The following EDF1 variants were observed in gnomAD, a reference collection of about 807,000 sequenced individuals.
The protein encoded by EDF1 is endothelial differentiation related factor 1, also known as endothelial differentiation-related factor 1.
Under a neutral mutation model 20.8 loss-of-function variants are expected in EDF1, and 5 were observed. That is an observed-to-expected ratio of 0.24 (90% CI 0.13 to 0.51). The LOEUF (loss-of-function observed/expected upper bound fraction) is 0.51. Ranked by LOEUF, EDF1 falls within the 20% of genes least tolerant of loss-of-function variation. The probability of loss-of-function intolerance (pLI) is 0.97; values close to 1 mark genes in which losing one functional copy is unlikely to be tolerated. For missense variants in EDF1, 137 were observed against 197.8 expected (o/e 0.69, Z 1.84); for synonymous variants, 96 against 78.5 (o/e 1.22, Z -1.18).
At position 136,863,236 on chromosome 9, in the gene EDF1, C is replaced by T; in HGVS notation, c.291+52G>A. ...CCCGTGCTATCTGAACACCGGCCAT[C>T]CCCCTCCCCAAACCCACAACCCCAG... On this transcript the variant is annotated intron_variant, in intron 3 of 4. Coordinates refer to ENST00000224073, the MANE Select transcript of EDF1 (RefSeq NM_003792.4). The surrounding 1 kb of genome is among the most constrained non-coding windows in gnomAD (Gnocchi z 4.5). 1.3e-6 allele frequency: 2 copies of T among 1,585,162 alleles called. No individual in the cohort carries two copies. Among genetic ancestry groups the T allele is most frequent in the East Asian group, 2.2e-5 (1 of 44,552 alleles).
chr9:136,866,141 C>T lies in EDF1; in HGVS notation c.78+40G>A, dbSNP rs374525120. The T allele has an allele frequency of 2.8e-5, 44 of 1,569,114 alleles. No homozygotes were observed. In the African/African-American group the frequency reaches 5.1e-4, roughly 18 times the overall value. Reference sequence around the variant, plus strand: ...CGGTCCGTGGCCCCGGCCCAGCGTCCGCCCCGCCCGGCCCGGCCGCTCCTC... The same window carrying T: ...CGGTCCGTGGCCCCGGCCCAGCGTCTGCCCCGCCCGGCCCGGCCGCTCCTC... On this transcript the variant is annotated intron_variant, in intron 1 of 4. Coordinates refer to ENST00000224073, the MANE Select transcript of EDF1 (RefSeq NM_003792.4).
At chr9:136,865,840 A>T (rs1314391387) in intron 1 of EDF1, among the ~76,000 whole-genome samples, 1 of 12,166 alleles carries the variant, frequency 8.2e-5, no homozygotes, top group African/African-American at 3.5e-4. Flanking sequence ...TCCCCGCCCC[A>T]CCCTGGCACT....
In EDF1 at chr9:136,863,529, C is replaced by T. The variant is rs1352827379; in HGVS notation, c.131-81G>A. Reference sequence around the variant, plus strand: ...AAACCATTTCAAAGCGGTAACCAGACCCCAGAGGCTGCCTGAACTCAAGGG... The same window carrying T: ...AAACCATTTCAAAGCGGTAACCAGATCCCAGAGGCTGCCTGAACTCAAGGG... On this transcript the variant is annotated intron_variant, in intron 2 of 4. Transcript: ENST00000224073. This position sits in a 1 kb window ranked among gnomAD's most constrained non-coding sequence, Gnocchi z 4.5. 1.3e-6 allele frequency: 2 copies of T among 1,508,834 alleles called. No homozygotes were observed. Among genetic ancestry groups the T allele is most frequent in the Non-Finnish European group, 1.8e-6 (2 of 1,122,660 alleles). 93.5% of individuals were successfully genotyped at this position (1,508,834 alleles called of 1,614,324 possible). A position where few individuals can be genotyped will look rare whatever the true frequency, so the allele number is the denominator to read the frequency against.
rs1326622005 is a variant in EDF1, at chr9:136,863,272, C to T, written c.291+16G>A. On this transcript the variant is annotated intron_variant, in intron 3 of 4. Coordinates refer to ENST00000224073, the MANE Select transcript of EDF1 (RefSeq NM_003792.4). This position sits in a 1 kb window ranked among gnomAD's most constrained non-coding sequence, Gnocchi z 4.5. ...AACCCACAACCCCAGGAGTGAGAGC[C>T]CCGGCGCAGCCTCACCGTGGCCAGG... The T allele has an allele frequency of 1.2e-6, 2 of 1,607,570 alleles. No homozygotes were observed. The highest frequency in any genetic ancestry group is 1.7e-6 in the Non-Finnish European group (2 of 1,177,712).
Position 136,863,703 on chromosome 9 carries a change from C to G in EDF1, c.130+117G>C. 7.5e-7 allele frequency: 1 copy of G among 1,334,852 alleles called. No individual in the cohort carries two copies. The highest frequency in any genetic ancestry group is 1.1e-6 in the Non-Finnish European group (1 of 945,976). 82.7% of individuals were successfully genotyped at this position (1,334,852 alleles called of 1,614,324 possible). On this transcript the variant is annotated intron_variant, in intron 2 of 4. Coordinates refer to ENST00000224073, the MANE Select transcript of EDF1 (RefSeq NM_003792.4). This position sits in a 1 kb window ranked among gnomAD's most constrained non-coding sequence, Gnocchi z 4.5. ...TGCCTCCCAGGGCTCCGGCCAGCAC[C>G]GGTGCAGGCAGGCACTCAGCTGACA...
rs776241703 is a variant in EDF1, at chr9:136,862,919, G to A, written c.372C>T (p.Ile124=). The change falls in exon 4 of 5, where the codon ATC becomes ATT. Residue 124 remains isoleucine (I), a synonymous_variant. Coordinates refer to ENST00000224073, the MANE Select transcript of EDF1 (RefSeq NM_003792.4). The surrounding 1 kb of genome is among the most constrained non-coding windows in gnomAD (Gnocchi z 4.1). ...AGGGACACTCACCAATGGCCCGCTC[G>A]ATTTTGCCAAGCACCTGGTTATTGG... ...AIPNNQVLGK[I]ERAIGLKLRG... 13 of 1,613,788 alleles carry A rather than the reference G, an allele frequency of 8.1e-6. No homozygotes were observed. Among genetic ancestry groups the A allele is most frequent in the Middle Eastern group, 1.7e-4 (1 of 5,814 alleles).
rs1278278149 is a variant in EDF1, at chr9:136,862,978, C to T, written c.313G>A (p.Val105Met). 6.2e-7 allele frequency: 1 copy of T among 1,614,038 alleles called. No individual in the cohort carries two copies. The highest frequency in any genetic ancestry group is 1.7e-5 in the Admixed American group (1 of 60,032). Residue 105 changes from valine (V) to methionine (M), a missense_variant, in exon 4 of 5, where the codon GTG becomes ATG. Transcript: ENST00000224073. This position sits in a 1 kb window ranked among gnomAD's most constrained non-coding sequence, Gnocchi z 4.1. ...CGTCCGCTCTCATAGTCCGCGATCA[C>T]CTGTGGCTTCTCATTGATTTTCTAA... Reference protein sequence around the residue: ...LATKINEKPQVIADYESGRAI... With the variant: ...LATKINEKPQMIADYESGRAI...
At position 136,864,630 on chromosome 9, in the gene EDF1, C is replaced by CT. The variant is rs1311238910; in HGVS notation, c.79-760dup. Among the ~76,000 whole-genome samples, 1,243 of 146,520 alleles carry CT rather than the reference C, an allele frequency of 8.5e-3. 18 individuals are homozygous for CT. The highest frequency in any genetic ancestry group is 0.029 in the African/African-American group (1,146 of 40,094). ...AATATTAATATAATGTATTTATTAACTTTTTTTTTTTGAGACAGAGTCTCA... is the reference window on the plus strand; with the variant it reads ...AATATTAATATAATGTATTTATTAACTTTTTTTTTTTTGAGACAGAGTCTCA... On this transcript the variant is annotated intron_variant, in intron 1 of 4. Coordinates refer to ENST00000224073, the MANE Select transcript of EDF1 (RefSeq NM_003792.4).
Position 136,866,249 on chromosome 9 carries a change from T to C in EDF1, c.10A>G (p.Ser4Gly). 1 of 1,599,004 alleles carries C rather than the reference T, an allele frequency of 6.3e-7. No individual in the cohort carries two copies. The highest frequency in any genetic ancestry group is 1.7e-4 in the Middle Eastern group (1 of 6,022). The change falls in exon 1 of 5, where the codon AGC becomes GGC. Residue 4 changes from serine (S) to glycine (G), a missense_variant. Physicochemically the swap from Ser to Gly is moderately conservative, Grantham distance 56. Transcript: ENST00000224073. ...AGCACCGTCACCGTGTCCCAGTCGC[T>C]CTCGGCCATGGCGGGCGAAGACGAG... MAE[S>G]DWDTVTVLRK...
chr9:136,863,816 C>G lies in EDF1; in HGVS notation c.130+4G>C. 1 of 1,613,958 alleles carries G rather than the reference C, an allele frequency of 6.2e-7. No individual in the cohort carries two copies. The highest frequency in any genetic ancestry group is 8.5e-7 in the Non-Finnish European group (1 of 1,179,990). ...ATGTTGCAAGCGGAAACACAAGTAC[C>G]TACATTTCTTGGAAGTCTCCACATC... On this transcript the variant is annotated splice_donor_region_variant and intron_variant, in intron 2 of 4. Coordinates refer to ENST00000224073, the MANE Select transcript of EDF1 (RefSeq NM_003792.4). The surrounding 1 kb of genome is among the most constrained non-coding windows in gnomAD (Gnocchi z 4.5).
chr9:136,866,009 T>G (rs976647544), intron 1 of EDF1, among the ~76,000 whole-genome samples, 172 bp downstream of exon 1: 10 of 140,192 alleles, frequency 7.1e-5, no homozygotes, highest in South Asian at 2.3e-4. Context: ...CCCCTGCGAT[T>G]CGCCCCGCCC....
rs2131247597 is a variant in EDF1 at position 136,863,531 on chromosome 9, C to T, written c.131-83G>A. ...ACCATTTCAAAGCGGTAACCAGACC[C>T]CAGAGGCTGCCTGAACTCAAGGGGA... On this transcript the variant is annotated intron_variant, in intron 2 of 4. Transcript: ENST00000224073. This position sits in a 1 kb window ranked among gnomAD's most constrained non-coding sequence, Gnocchi z 4.5. 1.3e-6 allele frequency: 2 copies of T among 1,500,126 alleles called. No individual in the cohort carries two copies. Among genetic ancestry groups the T allele is most frequent in the African/African-American group, 1.4e-5 (1 of 72,436 alleles). The allele number at this position is 1,500,126 out of a possible 1,614,324, so 92.9% of individuals were successfully genotyped here. A position where few individuals can be genotyped will look rare whatever the true frequency, so the allele number is the denominator to read the frequency against.
Position 136,863,213 on chromosome 9 carries a change from C to A in EDF1, c.291+75G>T. The stretch of plus-strand genomic sequence containing the variant: ...CCAGGGGGGTGGAGCCCACCCTCCC[C>A]GTGCTATCTGAACACCGGCCATCCC... On this transcript the variant is annotated intron_variant, in intron 3 of 4. Coordinates refer to ENST00000224073, the MANE Select transcript of EDF1 (RefSeq NM_003792.4). This position sits in a 1 kb window ranked among gnomAD's most constrained non-coding sequence, Gnocchi z 4.5. 1.3e-6 allele frequency: 2 copies of A among 1,566,416 alleles called. No homozygotes were observed. Among genetic ancestry groups the A allele is most frequent in the South Asian group, 1.2e-5 (1 of 85,908 alleles).
chr9:136,862,429 GA>G lies in EDF1; in HGVS notation c.386-85del. The stretch of plus-strand genomic sequence containing the variant: ...TGCCCCTCTTCAACATCTTCCCAGG[GA>G]AGGGGGGCCACGCCGCTCCCGTGCC... On this transcript the variant is annotated intron_variant, in intron 4 of 4. Coordinates refer to ENST00000224073, the MANE Select transcript of EDF1 (RefSeq NM_003792.4). The surrounding 1 kb of genome is among the most constrained non-coding windows in gnomAD (Gnocchi z 4.1). The G allele has an allele frequency of 6.2e-7, 1 of 1,613,714 alleles. No individual in the cohort carries two copies. Among genetic ancestry groups the G allele is most frequent in the Non-Finnish European group, 8.5e-7 (1 of 1,179,966 alleles).
chr9:136,864,779 G>A lies in EDF1; in HGVS notation c.79-908C>T, dbSNP rs996893970. 7.9e-5 allele frequency among the ~76,000 whole-genome samples: 12 copies of A among 152,014 alleles called. No individual in the cohort carries two copies. The East Asian group carries it at 1.9e-3, about 25-fold the overall frequency. ...GCTGGGATTACAGGCTCCTGCCACC[G>A]TGCCTGGCTAATTTTTTGTATTTTT... On this transcript the variant is annotated intron_variant, in intron 1 of 4. Coordinates refer to ENST00000224073, the MANE Select transcript of EDF1 (RefSeq NM_003792.4).
rs1238972236 is a variant in EDF1 at position 136,863,574 on chromosome 9, T to C, written c.131-126A>G. On this transcript the variant is annotated intron_variant, in intron 2 of 4. Transcript: ENST00000224073. This position sits in a 1 kb window ranked among gnomAD's most constrained non-coding sequence, Gnocchi z 4.5. Reference sequence around the variant, plus strand: ...CAAGGGGACATGGGAACCCAGGCTGTCCCAAGTTCACACACCTCAGGTCGT... The same window carrying C: ...CAAGGGGACATGGGAACCCAGGCTGCCCCAAGTTCACACACCTCAGGTCGT... 2 of 1,301,554 alleles carry C rather than the reference T, an allele frequency of 1.5e-6. No homozygotes were observed. The highest frequency in any genetic ancestry group is 2.1e-6 in the Non-Finnish European group (2 of 960,426). 80.6% of individuals were successfully genotyped at this position (1,301,554 alleles called of 1,614,324 possible).
rs757506534 is a variant in EDF1, at chr9:136,862,542, T to C, written c.386-197A>G. ...TCTGATCACCTTAGACAGCAGAGCA[T>C]GAACACCCCTCTCCGGAAGAACCGG... On this transcript the variant is annotated intron_variant, in intron 4 of 4. Transcript: ENST00000224073. The surrounding 1 kb of genome is among the most constrained non-coding windows in gnomAD (Gnocchi z 4.1). 2.5e-6 allele frequency: 4 copies of C among 1,601,048 alleles called. No individual in the cohort carries two copies. The highest frequency in any genetic ancestry group is 2.2e-5 in the East Asian group (1 of 44,800).
intron 1 of EDF1, among the ~76,000 whole-genome samples, chr9:136,865,126 C>T (rs572939104): frequency 6.6e-6 from 1 of 152,288 alleles, no homozygotes; most frequent in South Asian, 2.1e-4. Flanking sequence ...AGAGCCCCAG[C>T]GCATCCTGGC....
In EDF1 at chr9:136,863,114, C is replaced by A. The variant is rs973740290; in HGVS notation, c.292-115G>T. The A allele has an allele frequency of 2.0e-6, 3 of 1,521,648 alleles. No homozygotes were observed. The highest frequency in any genetic ancestry group is 2.7e-6 in the Non-Finnish European group (3 of 1,110,064). 94.3% of individuals were successfully genotyped at this position (1,521,648 alleles called of 1,614,324 possible). ...AGGGCCCCTGGGGTACGCACCCACA[C>A]GCAGCTGGGTTTTGTGCGAGAGGCA... On this transcript the variant is annotated intron_variant, in intron 3 of 4. Coordinates refer to ENST00000224073, the MANE Select transcript of EDF1 (RefSeq NM_003792.4). The surrounding 1 kb of genome is among the most constrained non-coding windows in gnomAD (Gnocchi z 4.5).
Sources: allele counts gnomAD v4.1 joint callset (sites outside exome capture counted in the v4.1 genomes callset), GRCh38; gene constraint gnomAD v4.1.1; non-coding constraint Gnocchi (gnomAD v3.1); transcripts MANE v1.5; gene names NCBI Gene and HGNC (gene_info 2026-07-23, HGNC 2026-07-21).